The following PPP3R1 variants were observed in gnomAD, a reference collection of about 807,000 sequenced individuals.
PPP3R1 encodes calcineurin subunit B type 1.
In PPP3R1, 5 loss-of-function variants were observed where a neutral mutation model predicts 22.6. The ratio of observed to expected loss-of-function variants is 0.22; its 90% confidence interval spans 0.12 to 0.46. The LOEUF is 0.46. Ranked by LOEUF, PPP3R1 falls within the 20% of genes least tolerant of loss-of-function variation. PPP3R1 has a pLI of 0.99. For synonymous variants in PPP3R1, 56 were observed against 65.2 expected (o/e 0.86, Z 0.68); for missense variants, 61 against 203.2 (o/e 0.30, Z 4.25).
chr2:68,216,903 C>G (rs529196753), intron 2 of PPP3R1, among the ~76,000 whole-genome samples, 189 bp downstream of exon 2: 2 of 152,066 alleles, frequency 1.3e-5, no homozygotes, highest in South Asian at 4.1e-4. Flanking sequence ...AAAAATGTTC[C>G]TACTCTGGTA....
chr2:68,208,247 T>C (rs1669374257), intron 2 of PPP3R1, among the ~76,000 whole-genome samples: 1 of 152,226 alleles, frequency 6.6e-6, no homozygotes, highest in Non-Finnish European at 1.5e-5. Context: ...GTGTAGACCA[T>C]ATTCTGTAGA....
intron 1 of PPP3R1, among the ~76,000 whole-genome samples, chr2:68,239,751 G>A (rs1281126603): frequency 2.6e-5 from 4 of 152,136 alleles, no homozygotes; most frequent in Non-Finnish European, 4.4e-5. Context: ...GTCCTATGCT[G>A]GCAGCGGCAG....
chr2:68,210,845 G>C (rs1391966591), intron 2 of PPP3R1, among the ~76,000 whole-genome samples: 2 of 152,130 alleles, frequency 1.3e-5, no homozygotes, highest in African/African-American at 4.8e-5. Context: ...TGTTGACATG[G>C]CATGCAAAAG....
At chr2:68,234,631 G>T (rs747947117) in intron 1 of PPP3R1, among the ~76,000 whole-genome samples, 3 of 152,132 alleles carry the variant, frequency 2.0e-5, no homozygotes, top group African/African-American at 4.8e-5. Context: ...GCAGAAACAC[G>T]ACAGTGAGAG....
At chr2:68,216,153 T>C (rs1669574982) in intron 2 of PPP3R1, among the ~76,000 whole-genome samples, 1 of 152,048 alleles carries the variant, frequency 6.6e-6, no homozygotes, top group African/African-American at 2.4e-5. Context: ...AAATTGGATA[T>C]GGTAAGTGAC....
chr2:68,214,589 C>G (rs910234667), intron 2 of PPP3R1, among the ~76,000 whole-genome samples: 2 of 152,172 alleles, frequency 1.3e-5, no homozygotes, highest in African/African-American at 4.8e-5. Flanking sequence ...GATACTGTCT[C>G]ACACCAGTCA....
At chr2:68,232,205 C>CA (rs199557298) in intron 1 of PPP3R1, among the ~76,000 whole-genome samples, 59 of 29,372 alleles carry the variant, frequency 2.0e-3, no homozygotes, top group African/African-American at 0.02. Context: ...ATATTATATA[C>CA]ATATTGTATA....
chr2:68,200,749 T>C (rs560434242), intron 2 of PPP3R1, among the ~76,000 whole-genome samples: 1 of 152,338 alleles, frequency 6.6e-6, no homozygotes, highest in African/African-American at 2.4e-5. Flanking sequence ...GGGCTAAATG[T>C]GGAGAAAAGA....
At chr2:68,200,769 T>A (rs1404988007) in intron 2 of PPP3R1, among the ~76,000 whole-genome samples, 2 of 152,088 alleles carry the variant, frequency 1.3e-5, no homozygotes, top group Non-Finnish European at 2.9e-5. Flanking sequence ...AGAATAAGAG[T>A]CTTCCCACTC....
At chr2:68,230,507 T>G (rs1479688164) in intron 1 of PPP3R1, among the ~76,000 whole-genome samples, 1 of 152,298 alleles carries the variant, frequency 6.6e-6, no homozygotes, top group Non-Finnish European at 1.5e-5. Context: ...TACATACCTT[T>G]AGAACCACAT....
intron 1 of PPP3R1, among the ~76,000 whole-genome samples, chr2:68,229,270 C>T (rs902889849): frequency 2.0e-5 from 3 of 152,030 alleles, no homozygotes; most frequent in Non-Finnish European, 4.4e-5. Flanking sequence ...CCTTAGCCAC[C>T]CCAAGCATTT....
chr2:68,210,441 C>T (rs1259760300), intron 2 of PPP3R1, among the ~76,000 whole-genome samples: 2 of 152,102 alleles, frequency 1.3e-5, no homozygotes, highest in Admixed American at 6.5e-5. Flanking sequence ...CAAAGTTCTG[C>T]CTTCAATAAG....
intron 1 of PPP3R1, among the ~76,000 whole-genome samples, chr2:68,231,465 T>C (rs1669896584): frequency 6.9e-6 from 1 of 144,790 alleles, no homozygotes; most frequent in Admixed American, 7.1e-5. Context: ...GTGTGAATAA[T>C]AGATTTTATT....
chr2:68,208,030 C>T (rs1004691380), intron 2 of PPP3R1, among the ~76,000 whole-genome samples: 5 of 152,108 alleles, frequency 3.3e-5, no homozygotes, highest in Non-Finnish European at 5.9e-5. Flanking sequence ...GTGGTGGGTG[C>T]CTGTAATCCC....
chr2:68,207,419 T>C (rs1466151859), intron 2 of PPP3R1, among the ~76,000 whole-genome samples: 2 of 152,068 alleles, frequency 1.3e-5, no homozygotes, highest in African/African-American at 4.8e-5. Flanking sequence ...GTTCTGAGGA[T>C]TAACTGAAAA....
In PPP3R1 at chr2:68,218,570, G is replaced by A. The variant is rs916769253; in HGVS notation, c.4-1439C>T. Among the ~76,000 whole-genome samples the A allele has an allele frequency of 2.0e-5, 3 of 151,846 alleles. No individual in the cohort carries two copies. The East Asian group carries it at 5.8e-4, about 29-fold the overall frequency. ...TAATTGATCTTAATATTCTTACCAT[G>A]ATTCTTATCTTCACTGCCTTACATA... On this transcript the variant is annotated intron_variant, in intron 1 of 5. Transcript: ENST00000234310.
chr2:68,179,062 A>C lies in PPP3R1; in HGVS notation c.*1901T>G, dbSNP rs948375445. ...TCCCCGGTAAGGAAATAATGTTTAC[A>C]CTATTTTTCTGTAACGCCAGCCAAG... is the stretch of plus-strand genomic sequence containing the variant. On this transcript the variant is annotated 3_prime_UTR_variant, in exon 6 of 6. Transcript: ENST00000234310. 6.6e-6 allele frequency: 1 copy of C among 151,860 alleles called. No homozygotes were observed. The highest frequency in any genetic ancestry group is 1.5e-5 in the Non-Finnish European group (1 of 67,896). The allele number at this position is 151,860 out of a possible 1,614,324, so 9.4% of individuals were successfully genotyped here. A position where few individuals can be genotyped will look rare whatever the true frequency, so the allele number is the denominator to read the frequency against.
Position 68,248,083 on chromosome 2 carries a change from A to C in PPP3R1, c.3+4042T>G, listed in dbSNP as rs116289394. On this transcript the variant is annotated intron_variant, in intron 1 of 5. Transcript: ENST00000234310. The stretch of plus-strand genomic sequence containing the variant: ...CTATGATCTAGTGTCAATCCACCAG[A>C]CACTACCCCCTTCCTCTCCAGCCAC... 8.0e-3 allele frequency among the ~76,000 whole-genome samples: 1,214 copies of C among 152,232 alleles called. 11 individuals are homozygous for C. Among genetic ancestry groups the C allele is most frequent in the African/African-American group, 0.028 (1,167 of 41,530 alleles).
chr2:68,250,460 G>T (rs1670326226), intron 1 of PPP3R1, among the ~76,000 whole-genome samples: 1 of 152,186 alleles, frequency 6.6e-6, no homozygotes, highest in Non-Finnish European at 1.5e-5. Flanking sequence ...CCTCAAATGT[G>T]CTGTTTATAA....
Sources: gnomAD v4.1 joint callset for allele counts (sites outside exome capture counted in the v4.1 genomes callset) on GRCh38, gnomAD v4.1.1 for gene constraint, MANE v1.5 for transcripts, NCBI Gene and HGNC (gene_info 2026-07-23, HGNC 2026-07-21) for gene names.